GPR89B: variants seen among roughly 807,000 people sequenced by gnomAD.
GPR89B encodes the protein G protein-coupled receptor 89B.
A neutral mutation model predicts 52.4 loss-of-function variants in GPR89B; 25 were observed. That is an observed-to-expected ratio of 0.48 (90% CI 0.35 to 0.67). GPR89B has a LOEUF of 0.67. Ranked by LOEUF, GPR89B falls within the 30% of genes least tolerant of loss-of-function variation. The pLI is 0.01. For missense variants in GPR89B, 146 were observed against 450.2 expected, an observed-to-expected ratio of 0.32 and a Z score of 6.11; for synonymous variants, 52 against 151.2, an observed-to-expected ratio of 0.34 and a Z score of 4.81.
intron 12 of GPR89B, among the ~76,000 whole-genome samples, chr1:147,990,765 G>T (rs1235732126): frequency 6.6e-6 from 1 of 151,358 alleles, no homozygotes; most frequent in African/African-American, 2.4e-5. Context: ...TTGTAGATGT[G>T]TGGTATTATT....
At chr1:148,017,346 C>G in the GPR89B span, among the ~76,000 whole-genome samples, 29 of 151,470 alleles carry the variant, frequency 1.9e-4, no homozygotes, top group Non-Finnish European at 3.1e-4. Flanking sequence ...CCGGCCTATA[C>G]ACAAACTTTT....
At chr1:148,009,400 G>A in the GPR89B span, 1 of 1,611,922 alleles carries the variant, frequency 6.2e-7, no homozygotes, top group South Asian at 1.1e-5. Context: ...AGATAGCAGA[G>A]CCGGGGCTGG....
intron 10 of GPR89B, among the ~76,000 whole-genome samples, chr1:147,985,765 A>G (rs1658617096): frequency 6.6e-6 from 1 of 151,230 alleles, no homozygotes; most frequent in African/African-American, 2.4e-5. Context: ...GGAATTTTTC[A>G]TTATTCCATT....
At chr1:147,946,412 C>T (rs1383763573) in intron 5 of GPR89B, among the ~76,000 whole-genome samples, 12 of 152,112 alleles carry the variant, frequency 7.9e-5, no homozygotes, top group Admixed American at 6.5e-4. Flanking sequence ...TACTTTAACA[C>T]TCTGGATAGG....
At chr1:147,949,953 T>C (rs1553250666) in intron 5 of GPR89B, among the ~76,000 whole-genome samples, 1 of 68,094 alleles carries the variant, frequency 1.5e-5, no homozygotes, top group Admixed American at 1.4e-4. Context: ...TCCCGGACGG[T>C]GCGGCTGGCC....
At chr1:148,017,779 G>A in the GPR89B span, among the ~76,000 whole-genome samples, 20 of 56,960 alleles carry the variant, frequency 3.5e-4, 1 homozygote, top group East Asian at 1.2e-3. Flanking sequence ...ATAAAATAAA[G>A]TTAACACCCC....
chr1:147,928,449 G>A lies in GPR89B; in HGVS notation c.-88G>A, dbSNP rs1312251244. 3.3e-6 allele frequency: 5 copies of A among 1,524,556 alleles called. No homozygotes were observed. The highest frequency in any genetic ancestry group is 2.3e-5 in the East Asian group (1 of 44,248). 94.4% of individuals were successfully genotyped at this position (1,524,556 alleles called of 1,614,324 possible). ...TCCCGGCTGCAGCACCTGGGAGAAG[G>A]CAGACCGTGTGAGGGGGCCTGTGGC... On this transcript the variant is annotated 5_prime_UTR_variant, in exon 1 of 14. Coordinates refer to ENST00000314163, the MANE Select transcript of GPR89B (RefSeq NM_016334.5).
At chr1:147,994,542 G>C (rs1659268174), downstream of GPR89B, among the ~76,000 whole-genome samples, 1 of 151,990 alleles carries the variant, frequency 6.6e-6, no homozygotes, top group Non-Finnish European at 1.5e-5. Context: ...GTATTGTAAT[G>C]GGAACCCCCA....
chr1:147,969,270 T>C, intron 9 of GPR89B: 2 of 405,254 alleles, frequency 4.9e-6, no homozygotes, highest in Admixed American at 4.1e-5. Context: ...AGCTACTTTT[T>C]ATTCCTTTAT....
In GPR89B at chr1:147,957,559, T is replaced by C. The variant is rs1460064184; in HGVS notation, c.617+3157T>C. On this transcript the variant is annotated intron_variant, in intron 7 of 13. Transcript: ENST00000314163. Reference sequence around the variant, plus strand: ...AGTTTACGCCAGACACTGTACTAGATGCTAGGGATAGAATGATGAACAAGA... The same window carrying C: ...AGTTTACGCCAGACACTGTACTAGACGCTAGGGATAGAATGATGAACAAGA... Among the ~76,000 whole-genome samples, 1,123 of 152,170 alleles carry C rather than the reference T, an allele frequency of 7.4e-3. 23 individuals are homozygous for C. Among genetic ancestry groups the C allele is most frequent in the African/African-American group, 0.026 (1,069 of 41,424 alleles).
chr1:147,965,619 A>G (rs1354158608), intron 7 of GPR89B, among the ~76,000 whole-genome samples: 4 of 152,108 alleles, frequency 2.6e-5, no homozygotes. Flanking sequence ...TGAGAGGACC[A>G]GGAGTGGTAG....
At chr1:147,953,202 TCTA>T (rs1655856885) in intron 5 of GPR89B, 140 bp from the exon 6 acceptor site, 1 of 1,289,162 alleles carries the variant, frequency 7.8e-7, no homozygotes, top group Non-Finnish European at 1.1e-6. Flanking sequence ...TTATAAATAA[TCTA>T]CACATTAATA....
At chr1:147,971,843 T>C (rs1274826914) in intron 10 of GPR89B, among the ~76,000 whole-genome samples, 2 of 151,756 alleles carry the variant, frequency 1.3e-5, no homozygotes, top group African/African-American at 4.9e-5. Context: ...CATATATTTA[T>C]GTACAACTGG....
the GPR89B span, among the ~76,000 whole-genome samples, chr1:148,023,210 G>A: frequency 6.8e-5 from 10 of 146,608 alleles, no homozygotes; most frequent in African/African-American, 2.6e-4. Context: ...TTCTGTTTCC[G>A]CATTAGTTTC....
rs1484345901 is a variant in GPR89B at position 147,984,578 on chromosome 1, A to G, written c.910-1621A>G. On this transcript the variant is annotated intron_variant, in intron 10 of 13. Transcript: ENST00000314163. ...TATTTCCTTTCTTCTGCTTATTTTG[A>G]GTCTCTTTTTCTAATTTCTTAAGAT... is the stretch of plus-strand genomic sequence containing the variant. 2.7e-3 allele frequency among the ~76,000 whole-genome samples: 403 copies of G among 149,256 alleles called. 4 individuals are homozygous for G. The highest frequency in any genetic ancestry group is 8.9e-3 in the African/African-American group (359 of 40,420).
chr1:148,018,410 C>T, the GPR89B span, among the ~76,000 whole-genome samples: 5 of 138,378 alleles, frequency 3.6e-5, 1 homozygote, highest in African/African-American at 5.6e-5. Flanking sequence ...CAAAGTGAGA[C>T]TCCGTCTCAA....
chr1:147,931,460 A>G (rs1414755349), intron 1 of GPR89B, among the ~76,000 whole-genome samples: 1 of 152,118 alleles, frequency 6.6e-6, no homozygotes, highest in African/African-American at 2.4e-5. Flanking sequence ...TTATTTGCAA[A>G]GCTATTTGAA....
the GPR89B span, among the ~76,000 whole-genome samples, chr1:148,017,035 A>G: frequency 1.4e-5 from 2 of 142,900 alleles, no homozygotes; most frequent in East Asian, 4.0e-4. Context: ...CTTGCTTTCT[A>G]TCTTTCTTTT....
intron 12 of GPR89B, 94 bp from the exon 13 acceptor site, chr1:147,992,408 G>A: frequency 9.2e-7 from 1 of 1,085,972 alleles, no homozygotes; most frequent in Non-Finnish European, 1.4e-6. Context: ...GCATGGAAGA[G>A]ACACTTTTAA....
Sources: gnomAD v4.1 joint callset for allele counts (sites outside exome capture counted in the v4.1 genomes callset) on GRCh38, gnomAD v4.1.1 for gene constraint, MANE v1.5 for transcripts, NCBI Gene and HGNC (gene_info 2026-07-23, HGNC 2026-07-21) for gene names.